Variants in SNX14 observed in about 807,000 individuals in gnomAD.
The protein encoded by SNX14 is sorting nexin-14.
Under a neutral mutation model 133.8 loss-of-function variants are expected in SNX14, and 93 were observed. The ratio of observed to expected loss-of-function variants is 0.70; its 90% confidence interval spans 0.59 to 0.83. The LOEUF is 0.83. SNX14 is among the 40% of genes least tolerant of loss of function. SNX14 has a pLI of 0.00. For missense variants in SNX14, 945 were observed against 1,094.9 expected, an observed-to-expected ratio of 0.86 and a Z score of 1.93; for synonymous variants, 368 against 365.6, an observed-to-expected ratio of 1.01 and a Z score of -0.07.
intron 1 of SNX14, among the ~76,000 whole-genome samples, chr6:85,577,240 C>T (rs992291688): frequency 1.3e-5 from 2 of 151,854 alleles, no homozygotes; most frequent in African/African-American, 2.4e-5. Flanking sequence ...ATGGTGAAAC[C>T]GCATCTCTAC....
At chr6:85,517,516 A>T (rs377481384) in intron 23 of SNX14, 64 of 316,366 alleles carry the variant, frequency 2.0e-4, no homozygotes, top group African/African-American at 1.3e-3. Flanking sequence ...AAAATCCCCA[A>T]ATACAGAAGT....
At position 85,541,977 on chromosome 6, in the gene SNX14, C is replaced by A; in HGVS notation, c.1448+8G>T. The A allele has an allele frequency of 6.3e-7, 1 of 1,593,142 alleles. No homozygotes were observed. Among genetic ancestry groups the A allele is most frequent in the Non-Finnish European group, 8.5e-7 (1 of 1,171,052 alleles). On this transcript the variant is annotated splice_region_variant and intron_variant, in intron 15 of 28. Transcript: ENST00000314673. ...TCAGCAAGTTCAAAAACAAAACATA[C>A]AACCTACCTGTTCAATTTTGAATTG...
chr6:85,545,746 T>C (rs1411060461), intron 12 of SNX14, among the ~76,000 whole-genome samples: 2 of 152,166 alleles, frequency 1.3e-5, no homozygotes, highest in Admixed American at 1.3e-4. Flanking sequence ...TGCAGTGGCA[T>C]GATCTCGGCT....
At chr6:85,587,056 A>G (rs1261154269) in intron 1 of SNX14, among the ~76,000 whole-genome samples, 1 of 151,974 alleles carries the variant, frequency 6.6e-6, no homozygotes, top group Admixed American at 6.5e-5. Context: ...AAAAAAAAGA[A>G]AGAGAGAGAG....
intron 1 of SNX14, 85 bp downstream of exon 1, chr6:85,593,494 G>A (rs1289259014): frequency 6.1e-6 from 9 of 1,480,384 alleles, no homozygotes; most frequent in Non-Finnish European, 7.2e-6. Context: ...GCAGCTACGC[G>A]GCCTCCGCAC....
chr6:85,548,176 G>C, intron 9 of SNX14, 125 bp downstream of exon 9: 1 of 665,672 alleles, frequency 1.5e-6, no homozygotes, highest in South Asian at 1.8e-5. Context: ...ATGGGGAATG[G>C]GGATGGTTGC....
chr6:85,554,628 A>G (rs1789024474), intron 7 of SNX14, among the ~76,000 whole-genome samples: 1 of 152,172 alleles, frequency 6.6e-6, no homozygotes, highest in African/African-American at 2.4e-5. Context: ...TAATTCTCTG[A>G]GCCTTTACTT....
chr6:85,551,011 C>T (rs1269373572), intron 7 of SNX14, among the ~76,000 whole-genome samples: 1 of 152,262 alleles, frequency 6.6e-6, no homozygotes, highest in East Asian at 1.9e-4. Context: ...GAACTCCTGA[C>T]TTCATGTGAT....
At chr6:85,562,368 T>C (rs1791929618) in intron 6 of SNX14, among the ~76,000 whole-genome samples, 1 of 152,160 alleles carries the variant, frequency 6.6e-6, no homozygotes, top group South Asian at 2.1e-4. Context: ...ACCAGCAGCA[T>C]ATGAGCATCC....
rs1369353083 is a variant in SNX14 at position 85,558,025 on chromosome 6, T to A, written c.585A>T (p.Leu195Phe). Residue 195 changes from leucine (L) to phenylalanine (F), a missense_variant, in exon 7 of 29, where the codon TTA (leucine) becomes TTT (phenylalanine). Physicochemically the swap from Leu to Phe is conservative, Grantham distance 22 (BLOSUM62 0). Coordinates refer to ENST00000314673, the MANE Select transcript of SNX14 (RefSeq NM_153816.6). The part of the protein sequence containing the change: ...DIPSIITKKL[L>F]KAAMKHIEVI... ...CTTCTATATGCTTCATTGCTGCTTT[T>A]AATAGTTTCTTGGTTATAATAGATG... 1 of 1,592,722 alleles carries A rather than the reference T, an allele frequency of 6.3e-7. No homozygotes were observed. The highest frequency in any genetic ancestry group is 1.1e-5 in the South Asian group (1 of 89,620).
At chr6:85,584,820 C>T (rs1203475012) in intron 1 of SNX14, among the ~76,000 whole-genome samples, 1 of 152,188 alleles carries the variant, frequency 6.6e-6, no homozygotes, top group Non-Finnish European at 1.5e-5. Flanking sequence ...ATTAGTTCCA[C>T]CATTGTGGAA....
intron 6 of SNX14, among the ~76,000 whole-genome samples, chr6:85,562,226 T>C (rs1177261627): frequency 6.6e-6 from 1 of 152,198 alleles, no homozygotes; most frequent in Non-Finnish European, 1.5e-5. Context: ...ACATTTTCTT[T>C]ATCCAGTCCA....
chr6:85,555,453 C>T (rs1004601053), intron 7 of SNX14, among the ~76,000 whole-genome samples: 1 of 152,056 alleles, frequency 6.6e-6, no homozygotes, highest in Admixed American at 6.5e-5. Flanking sequence ...ATGTATATTG[C>T]TAAGTGAAAG....
At chr6:85,579,758 T>C (rs951598600) in intron 1 of SNX14, among the ~76,000 whole-genome samples, 2 of 152,212 alleles carry the variant, frequency 1.3e-5, no homozygotes, top group African/African-American at 4.8e-5. Context: ...CAGCAATCCT[T>C]GACACCACAG....
Position 85,526,126 on chromosome 6 carries a change from C to T in SNX14, c.2107G>A (p.Gly703Arg). 2 of 1,534,258 alleles carry T rather than the reference C, an allele frequency of 1.3e-6. No individual in the cohort carries two copies. Among genetic ancestry groups the T allele is most frequent in the South Asian group, 2.4e-5 (2 of 82,032 alleles). ...LDKILPDVNL[G>R]KIIKSVPGKL... ...ATAATGATTCTTTAAATTGACTTAC[C>T]AAGATTTACATCTGGTAGTATCTTA... Residue 703 changes from glycine to arginine, a missense_variant and splice_region_variant, in exon 21 of 29, where the codon GGG (glycine) becomes AGG (arginine). Physicochemically the swap from Gly to Arg is moderately radical, Grantham distance 125. Transcript: ENST00000314673.
rs145671022 is a variant in SNX14, at chr6:85,543,520, A to C, written c.1264+85T>G. 261 of 1,195,606 alleles carry C rather than the reference A, an allele frequency of 2.2e-4. 1 individual carries two copies. In the East Asian group the frequency reaches 5.3e-3, roughly 24 times the overall value. 74.1% of individuals were successfully genotyped at this position (1,195,606 alleles called of 1,614,324 possible). A position where few individuals can be genotyped will look rare whatever the true frequency, so the allele number is the denominator to read the frequency against. On this transcript the variant is annotated intron_variant, in intron 13 of 28. Transcript: ENST00000314673. ...AGAATAATAGCTGCCCATGTACTGCAGCTAGCCACTGCAATAATAAACAGA... is the reference window on the plus strand; with the variant it reads ...AGAATAATAGCTGCCCATGTACTGCCGCTAGCCACTGCAATAATAAACAGA...
At chr6:85,538,259 T>C (rs1477651148) in intron 16 of SNX14, among the ~76,000 whole-genome samples, 5 of 151,734 alleles carry the variant, frequency 3.3e-5, no homozygotes, top group African/African-American at 9.6e-5. Context: ...TAAACAAACA[T>C]ACAATTAGGG....
intron 7 of SNX14, among the ~76,000 whole-genome samples, chr6:85,554,982 G>A (rs937018328): frequency 6.6e-5 from 10 of 151,624 alleles, no homozygotes; most frequent in African/African-American, 1.9e-4. Flanking sequence ...CACCACACTC[G>A]GCTAATTTTT....
intron 5 of SNX14, among the ~76,000 whole-genome samples, chr6:85,566,456 G>A (rs1793864911): frequency 6.6e-6 from 1 of 151,758 alleles, no homozygotes; most frequent in Non-Finnish European, 1.5e-5. Flanking sequence ...CCAACACTTT[G>A]GGAGGCCGAG....
Sources: gnomAD v4.1 joint callset for allele counts (sites outside exome capture counted in the v4.1 genomes callset) on GRCh38, gnomAD v4.1.1 for gene constraint, MANE v1.5 for transcripts, NCBI Gene and HGNC (gene_info 2026-07-23, HGNC 2026-07-21) for gene names.